Variants in RANBP2 observed in about 807,000 individuals in gnomAD.
RANBP2 encodes the protein E3 SUMO-protein ligase RanBP2.
A neutral mutation model predicts 303.6 loss-of-function variants in RANBP2; 57 were observed. The ratio of observed to expected loss-of-function variants is 0.19; its 90% CI spans 0.15 to 0.23. The LOEUF is 0.23. Ranked by LOEUF, RANBP2 falls within the 10% of genes least tolerant of loss-of-function variation. The probability of loss-of-function intolerance (pLI) is 1.00; values close to 1 mark genes in which losing one functional copy is unlikely to be tolerated. For missense variants in RANBP2, 3,138 were observed against 3,780.8 expected (o/e 0.83, Z 4.46); for synonymous variants, 1,167 against 1,301.5 (o/e 0.90, Z 2.23).
the RANBP2 span, among the ~76,000 whole-genome samples, chr2:108,845,177 CA>C: frequency 6.6e-6 from 1 of 151,986 alleles, no homozygotes; most frequent in Admixed American, 6.6e-5. Context: ...GAGTTTTGAA[CA>C]TTTTTTTCTA....
chr2:108,947,640 C>T, the RANBP2 span, among the ~76,000 whole-genome samples: 1 of 152,234 alleles, frequency 6.6e-6, no homozygotes, highest in Admixed American at 6.5e-5. Flanking sequence ...CTTGCACCCT[C>T]TGAAGCAATG....
At chr2:109,278,824 G>A in the RANBP2 span, among the ~76,000 whole-genome samples, 1,305 of 152,286 alleles carry the variant, frequency 8.6e-3, 14 homozygotes, top group Non-Finnish European at 0.012. Flanking sequence ...ATCGGCCAAG[G>A]CAAATCGTGG....
chr2:109,062,795 G>A, the RANBP2 span, among the ~76,000 whole-genome samples: 4 of 152,026 alleles, frequency 2.6e-5, no homozygotes, highest in East Asian at 7.7e-4. Context: ...AGGGATGCTA[G>A]GATGGGGTGG....
At chr2:109,384,713 C>G in the RANBP2 span, among the ~76,000 whole-genome samples, 1 of 152,188 alleles carries the variant, frequency 6.6e-6, no homozygotes, top group South Asian at 2.1e-4. Context: ...CTGAGGTGAA[C>G]TTTGATAGTG....
At chr2:108,886,192 A>G in the RANBP2 span, among the ~76,000 whole-genome samples, 4 of 152,164 alleles carry the variant, frequency 2.6e-5, no homozygotes, top group Admixed American at 6.5e-5. Flanking sequence ...TTACTTTTCC[A>G]TAGTGGCTGT....
intron 6 of RANBP2, among the ~76,000 whole-genome samples, chr2:108,738,858 G>C (rs566471945): frequency 3.5e-4 from 53 of 150,290 alleles, no homozygotes; most frequent in African/African-American, 1.1e-3. Context: ...TTGAACTCCT[G>C]ACCTCAGGTG....
the RANBP2 span, among the ~76,000 whole-genome samples, chr2:108,955,430 T>C: frequency 6.6e-6 from 1 of 152,222 alleles, no homozygotes; most frequent in Non-Finnish European, 1.5e-5. Flanking sequence ...CAGTCCCTTA[T>C]TTGTAGAGAC....
the RANBP2 span, chr2:109,615,405 C>T: frequency 6.2e-7 from 1 of 1,612,948 alleles, no homozygotes; most frequent in Non-Finnish European, 8.5e-7. Flanking sequence ...CTTCACTTGC[C>T]TGCACTGGGC....
At chr2:109,254,204 C>T in the RANBP2 span, among the ~76,000 whole-genome samples, 1 of 152,280 alleles carries the variant, frequency 6.6e-6, no homozygotes, top group East Asian at 1.9e-4. Flanking sequence ...TTATAGACTT[C>T]TTCACTCCAC....
chr2:108,932,358 C>T, the RANBP2 span, among the ~76,000 whole-genome samples: 10 of 151,632 alleles, frequency 6.6e-5, no homozygotes, highest in Non-Finnish European at 1.3e-4. Flanking sequence ...GAAACCTCGT[C>T]TCTACTAAAA....
At chr2:109,263,082 G>A in the RANBP2 span, among the ~76,000 whole-genome samples, 1 of 152,126 alleles carries the variant, frequency 6.6e-6, no homozygotes, top group Non-Finnish European at 1.5e-5. Flanking sequence ...CTGACCTTAG[G>A]TAATTCACCC....
the RANBP2 span, among the ~76,000 whole-genome samples, chr2:109,272,496 C>G: frequency 6.6e-6 from 1 of 152,224 alleles, no homozygotes; most frequent in African/African-American, 2.4e-5. Context: ...CCCTTCGCCT[C>G]TAACTGTGTG....
At chr2:109,305,908 C>T in the RANBP2 span, among the ~76,000 whole-genome samples, 1 of 152,230 alleles carries the variant, frequency 6.6e-6, no homozygotes, top group African/African-American at 2.4e-5. Context: ...CTGAGCTCTG[C>T]CCTTTGGGCT....
intron 6 of RANBP2, among the ~76,000 whole-genome samples, chr2:108,736,560 T>G (rs543961577): frequency 6.6e-6 from 1 of 152,368 alleles, no homozygotes; most frequent in South Asian, 2.1e-4. Flanking sequence ...TATTTCATAT[T>G]TTATTTTTTA....
At chr2:109,719,641 G>C in the RANBP2 span, among the ~76,000 whole-genome samples, 5 of 150,930 alleles carry the variant, frequency 3.3e-5, no homozygotes, top group Admixed American at 6.6e-5. Context: ...TCTTGATCTC[G>C]TGATCCGCTA....
the RANBP2 span, among the ~76,000 whole-genome samples, chr2:109,113,932 T>C: frequency 6.6e-6 from 1 of 152,224 alleles, no homozygotes; most frequent in African/African-American, 2.4e-5. Flanking sequence ...TATGCTGGAT[T>C]ACATTTATTG....
At chr2:109,057,792 C>T in the RANBP2 span, among the ~76,000 whole-genome samples, 1 of 152,188 alleles carries the variant, frequency 6.6e-6, no homozygotes, top group African/African-American at 2.4e-5. Context: ...GAAGAGACAC[C>T]TGCCTCACTG....
rs140837223 is a variant in RANBP2, at chr2:108,765,054, G to A, written c.4515G>A (p.Pro1505=). 1.9e-5 allele frequency: 31 copies of A among 1,613,532 alleles called. No individual in the cohort carries two copies. The highest frequency in any genetic ancestry group is 1.2e-4 in the Admixed American group (7 of 59,948). ...SSTKCAACQN[P]RKQSLPATSI... is the part of the protein sequence containing the mutation. ...CAAAATGTGCTGCTTGTCAGAATCC[G>A]AGAAAACAGAGTCTACCTGCTACTT... is the stretch of plus-strand genomic sequence containing the variant. The change falls in exon 20 of 29, where the codon CCG becomes CCA. Residue 1505 remains proline, a synonymous_variant. Transcript: ENST00000283195.
At chr2:108,980,629 T>C in the RANBP2 span, among the ~76,000 whole-genome samples, 43 of 152,108 alleles carry the variant, frequency 2.8e-4, no homozygotes, top group Non-Finnish European at 5.7e-4. Context: ...GCTGCTGTTT[T>C]ATACAGTGTG....
Sources: gnomAD v4.1 joint callset for allele counts (sites outside exome capture counted in the v4.1 genomes callset) on GRCh38, gnomAD v4.1.1 for gene constraint, MANE v1.5 for transcripts, NCBI Gene and HGNC (gene_info 2026-07-23, HGNC 2026-07-21) for gene names.